Variants in KHDRBS2 observed in about 807,000 individuals in gnomAD.
KHDRBS2 encodes KH domain-containing, RNA-binding, signal transduction-associated protein 2.
A neutral mutation model predicts 44.3 loss-of-function variants in KHDRBS2; 26 were observed. The observed-to-expected ratio is 0.59, with a 90% CI of 0.43 to 0.81. The LOEUF (loss-of-function observed/expected upper bound fraction) is 0.81, where lower values mean the gene tolerates loss of function less well. Ranked by LOEUF, KHDRBS2 falls within the 40% of genes least tolerant of loss-of-function variation. The pLI is 0.00. For missense variants in KHDRBS2, 476 were observed against 433.1 expected, an observed-to-expected ratio of 1.10 and a Z score of -0.88; for synonymous variants, 194 against 151.1, an observed-to-expected ratio of 1.28 and a Z score of -2.08.
chr6:61,985,433 T>C (rs1774868412), intron 3 of KHDRBS2, among the ~76,000 whole-genome samples: 1 of 152,198 alleles, frequency 6.6e-6, no homozygotes, highest in African/African-American at 2.4e-5. Flanking sequence ...AAAAGCTGCC[T>C]TAGAACTACT....
chr6:61,991,437 C>T (rs1776122007), intron 3 of KHDRBS2, among the ~76,000 whole-genome samples: 1 of 152,070 alleles, frequency 6.6e-6, no homozygotes, highest in African/African-American at 2.4e-5. Flanking sequence ...CTGAGACAGG[C>T]ATGCTTTGAG....
At chr6:62,144,777 G>C (rs189551294) in intron 2 of KHDRBS2, among the ~76,000 whole-genome samples, 4 of 151,952 alleles carry the variant, frequency 2.6e-5, no homozygotes, top group African/African-American at 9.7e-5. Flanking sequence ...TGCAAGGTAC[G>C]TGAAAGATCT....
intron 3 of KHDRBS2, among the ~76,000 whole-genome samples, chr6:62,021,233 A>G (rs990162280): frequency 6.6e-6 from 1 of 151,896 alleles, no homozygotes; most frequent in African/African-American, 2.4e-5. Context: ...CATACAGGAG[A>G]ACAAAAGACA....
chr6:61,748,984 T>TTC (rs1203618376), intron 6 of KHDRBS2, among the ~76,000 whole-genome samples: 3 of 150,710 alleles, frequency 2.0e-5, no homozygotes, highest in Non-Finnish European at 4.4e-5. Context: ...TTTTCAATAT[T>TTC]TCTTTTTCTT....
Position 62,058,536 on chromosome 6 carries a change from T to A in KHDRBS2, c.220-10542A>T, listed in dbSNP as rs543807925. Among the ~76,000 whole-genome samples, 12 of 151,926 alleles carry A rather than the reference T, an allele frequency of 7.9e-5. No homozygotes were observed. The South Asian group carries it at 2.5e-3, about 32-fold the overall frequency. ...TTGCCATTAAAACAAATTAAAGCAA[T>A]CTAGGGCAGATTGCACTAAGTGGGA... On this transcript the variant is annotated intron_variant, in intron 2 of 8. Coordinates refer to ENST00000281156, the MANE Select transcript of KHDRBS2 (RefSeq NM_152688.4).
the KHDRBS2 span, among the ~76,000 whole-genome samples, chr6:61,642,287 T>C: frequency 2.0e-5 from 3 of 152,176 alleles, no homozygotes; most frequent in Admixed American, 1.3e-4. Context: ...CTTTGTCTTA[T>C]ACCTGATAAT....
intron 2 of KHDRBS2, among the ~76,000 whole-genome samples, chr6:62,170,542 G>A (rs1374187828): frequency 6.6e-6 from 1 of 152,086 alleles, no homozygotes; most frequent in Non-Finnish European, 1.5e-5. Context: ...ACTCTTAAGT[G>A]CCACCTACTG....
the KHDRBS2 span, among the ~76,000 whole-genome samples, chr6:61,570,445 CTG>C: frequency 6.6e-6 from 1 of 151,882 alleles, no homozygotes; most frequent in Admixed American, 6.6e-5. Context: ...CTAAGAATAA[CTG>C]TTGTTCCTGA....
chr6:61,681,967 A>G (rs17238947), intron 8 of KHDRBS2, among the ~76,000 whole-genome samples: 5,556 of 151,986 alleles, frequency 0.037, 144 homozygotes, highest in Middle Eastern at 0.061. Context: ...TTCCTCATCA[A>G]GAGCAGATTT....
At chr6:62,036,111 T>A (rs1054968681) in intron 3 of KHDRBS2, among the ~76,000 whole-genome samples, 5 of 151,956 alleles carry the variant, frequency 3.3e-5, no homozygotes, top group Admixed American at 3.3e-4. Flanking sequence ...GAAGTGGTGA[T>A]CTAGTTTCTC....
intron 2 of KHDRBS2, among the ~76,000 whole-genome samples, chr6:62,066,244 T>C (rs1451671172): frequency 2.6e-5 from 4 of 151,712 alleles, no homozygotes; most frequent in African/African-American, 4.8e-5. Flanking sequence ...TGAATAAAAA[T>C]GTTTCTAGAG....
chr6:62,101,160 G>A (rs1167032914), intron 2 of KHDRBS2, among the ~76,000 whole-genome samples: 3 of 152,070 alleles, frequency 2.0e-5, no homozygotes, highest in African/African-American at 7.2e-5. Context: ...CGCAAGGTAT[G>A]AAAATCTAGG....
chr6:61,651,202 T>G, the KHDRBS2 span, among the ~76,000 whole-genome samples: 1 of 152,220 alleles, frequency 6.6e-6, no homozygotes, highest in African/African-American at 2.4e-5. Context: ...AGCCTATGAC[T>G]TAGGGACAGA....
At chr6:62,153,375 G>C (rs1056923365) in intron 2 of KHDRBS2, among the ~76,000 whole-genome samples, 17 of 152,058 alleles carry the variant, frequency 1.1e-4, no homozygotes, top group African/African-American at 3.9e-4. Context: ...CAAATTCTTG[G>C]AGTCCAAGCA....
intron 1 of KHDRBS2, among the ~76,000 whole-genome samples, chr6:62,254,673 C>A (rs933211868): frequency 3.3e-5 from 5 of 151,920 alleles, no homozygotes; most frequent in African/African-American, 1.2e-4. Flanking sequence ...ATAAAATGAG[C>A]AGTGGAATGA....
the KHDRBS2 span, among the ~76,000 whole-genome samples, chr6:61,666,179 T>A: frequency 1.3e-5 from 2 of 151,436 alleles, no homozygotes; most frequent in Non-Finnish European, 3.0e-5. Context: ...ACTTGGAAAA[T>A]AAATACAATA....
At chr6:61,862,979 T>G (rs368280697) in intron 6 of KHDRBS2, among the ~76,000 whole-genome samples, 42 of 152,136 alleles carry the variant, frequency 2.8e-4, no homozygotes, top group African/African-American at 9.7e-4. Context: ...ATTATTGATC[T>G]ATTCAGAGAT....
the KHDRBS2 span, among the ~76,000 whole-genome samples, chr6:61,654,261 G>T: frequency 6.6e-5 from 10 of 151,976 alleles, no homozygotes; most frequent in Non-Finnish European, 1.0e-4. Context: ...GTTAATAATC[G>T]AGTATAATTT....
intron 8 of KHDRBS2, among the ~76,000 whole-genome samples, chr6:61,694,009 G>A (rs1767641256): frequency 6.6e-6 from 1 of 152,088 alleles, no homozygotes; most frequent in South Asian, 2.1e-4. Flanking sequence ...CAGTGATCCT[G>A]CCAGATATCA....
Sources: gnomAD v4.1 joint callset for allele counts (sites outside exome capture counted in the v4.1 genomes callset) on GRCh38, gnomAD v4.1.1 for gene constraint, MANE v1.5 for transcripts, NCBI Gene and HGNC (gene_info 2026-07-23, HGNC 2026-07-21) for gene names.